ALX1: variants seen among roughly 807,000 people sequenced by gnomAD.
ALX1 encodes the protein ALX homeobox 1, also known as ALX homeobox protein 1.
In ALX1, 19 loss-of-function variants were observed where a neutral mutation model predicts 31.7. That is an observed-to-expected ratio of 0.60 (90% CI 0.42 to 0.88). ALX1 has a LOEUF of 0.88. Among genes scored for constraint, ALX1 ranks in the 40% least tolerant of loss-of-function variants. ALX1 has a pLI of 0.00. For synonymous variants in ALX1, 153 were observed against 148.8 expected (o/e 1.03, Z -0.20); for missense variants, 415 against 407.8 (o/e 1.02, Z -0.15).
intron 3 of ALX1, among the ~76,000 whole-genome samples, chr12:85,287,187 T>C (rs1896759628): frequency 6.6e-6 from 1 of 151,860 alleles, no homozygotes; most frequent in Admixed American, 6.6e-5. Context: ...CATTTAAAAA[T>C]ATTTCAGGGT....
chr12:85,280,512 A>T (rs762520703), intron 1 of ALX1, 25 bp downstream of exon 1: 4 of 1,603,500 alleles, frequency 2.5e-6, no homozygotes, highest in Non-Finnish European at 3.4e-6. Flanking sequence ...CCCCAGCCGG[A>T]GCCGCCGCAG....
Position 85,301,752 on chromosome 12 carries a change from G to T in ALX1, c.*277G>T. On this transcript the variant is annotated 3_prime_UTR_variant, in exon 4 of 4. Coordinates refer to ENST00000316824, the MANE Select transcript of ALX1 (RefSeq NM_006982.3). ...GTACAAGTCAATGAAATATGATCAC[G>T]CAACTTATTAAAGAATAAATGTGTT... is the stretch of plus-strand genomic sequence containing the variant. 2.3e-6 allele frequency: 1 copy of T among 429,018 alleles called. No homozygotes were observed. Among genetic ancestry groups the T allele is most frequent in the Non-Finnish European group, 4.1e-6 (1 of 240,992 alleles). 26.6% of individuals were successfully genotyped at this position (429,018 alleles called of 1,614,324 possible).
rs200647810 is a variant in ALX1, at chr12:85,283,641, G to C, written c.296G>C (p.Cys99Ser). ...GAACTGAATAGAGCTATGGACAACT[G>C]TAACAGTCTCCGAATGTCTCCCGTG... ...HTELNRAMDN[C>S]NSLRMSPVKG... The change falls in exon 2 of 4, where the codon TGT (cysteine) becomes TCT (serine). Residue 99 changes from cysteine (C) to serine (S), a missense_variant. Transcript: ENST00000316824. The C allele has an allele frequency of 1.2e-6, 2 of 1,614,132 alleles. No individual in the cohort carries two copies. Among genetic ancestry groups the C allele is most frequent in the Non-Finnish European group, 1.7e-6 (2 of 1,179,998 alleles).
rs772376890 is a variant in ALX1, at chr12:85,287,023, T to A, written c.660+42T>A. 18 of 1,605,576 alleles carry A rather than the reference T, an allele frequency of 1.1e-5. No homozygotes were observed. The South Asian group carries it at 1.9e-4, about 17-fold the overall frequency. On this transcript the variant is annotated intron_variant, in intron 3 of 3. Coordinates refer to ENST00000316824, the MANE Select transcript of ALX1 (RefSeq NM_006982.3). ...AGAATACTGATCAAGAAAAGGATAT[T>A]TGGTTTGTATATTCTTAAAATGGTT...
rs768003680 is a variant in ALX1, at chr12:85,280,465, C to T, written c.204C>T (p.Thr68=). ...AGCATCACGTGCGCTTGGAGAGGAC[C>T]TCGCCCTGTCAGGACAGCAGCGGTG... ...RAEHHVRLER[T]SPCQDSSVNY... is the part of the protein sequence containing the mutation. The change falls in exon 1 of 4, where the codon ACC becomes ACT. Residue 68 remains threonine (T), a synonymous_variant. Coordinates refer to ENST00000316824, the MANE Select transcript of ALX1 (RefSeq NM_006982.3). The T allele has an allele frequency of 3.1e-6, 5 of 1,611,464 alleles. No individual in the cohort carries two copies. The South Asian group carries it at 5.5e-5, about 18-fold the overall frequency.
intron 1 of ALX1, among the ~76,000 whole-genome samples, chr12:85,282,092 A>G (rs991957281): frequency 6.6e-6 from 1 of 152,128 alleles, no homozygotes; most frequent in African/African-American, 2.4e-5. Context: ...AGCCTCTCTG[A>G]TGCTTCCCCT....
chr12:85,291,411 A>G (rs1409928780), intron 3 of ALX1, among the ~76,000 whole-genome samples: 3 of 151,070 alleles, frequency 2.0e-5, no homozygotes, highest in Admixed American at 1.3e-4. Context: ...TTTGGCCTTA[A>G]ATTTAAAAAG....
chr12:85,292,756 T>C (rs907941779), intron 3 of ALX1, among the ~76,000 whole-genome samples: 7 of 151,002 alleles, frequency 4.6e-5, no homozygotes, highest in African/African-American at 1.5e-4. Context: ...GCAGTTTCTA[T>C]ATTAATCTTA....
At chr12:85,284,135 A>G (rs1565940529) in intron 2 of ALX1, among the ~76,000 whole-genome samples, 1 of 152,102 alleles carries the variant, frequency 6.6e-6, no homozygotes, top group Non-Finnish European at 1.5e-5. Flanking sequence ...ACATAACAAT[A>G]TGATAATATA....
At chr12:85,300,609 T>A (rs1474912820) in intron 3 of ALX1, among the ~76,000 whole-genome samples, 1 of 152,072 alleles carries the variant, frequency 6.6e-6, no homozygotes, top group Non-Finnish European at 1.5e-5. Flanking sequence ...TCTTCAAGAC[T>A]ATAGGATACG....
intron 3 of ALX1, 28 bp downstream of exon 3, chr12:85,287,009 C>T (rs1896757748): frequency 1.2e-6 from 2 of 1,609,698 alleles, no homozygotes; most frequent in South Asian, 1.1e-5. Context: ...GAATACTGAT[C>T]AAGAAAAGGA....
rs1034521460 is a variant in ALX1 at position 85,301,751 on chromosome 12, C to T, written c.*276C>T. The T allele has an allele frequency of 2.1e-5, 9 of 434,014 alleles. No individual in the cohort carries two copies. The highest frequency in any genetic ancestry group is 8.0e-5 in the East Asian group (2 of 24,876). The allele number at this position is 434,014 out of a possible 1,614,324, so 26.9% of individuals were successfully genotyped here. On this transcript the variant is annotated 3_prime_UTR_variant, in exon 4 of 4. Coordinates refer to ENST00000316824, the MANE Select transcript of ALX1 (RefSeq NM_006982.3). ...TGTACAAGTCAATGAAATATGATCA[C>T]GCAACTTATTAAAGAATAAATGTGT...
intron 1 of ALX1, among the ~76,000 whole-genome samples, chr12:85,281,914 T>C (rs963030370): frequency 3.3e-5 from 5 of 152,238 alleles, no homozygotes; most frequent in Non-Finnish European, 7.3e-5. Context: ...TATTTTATTT[T>C]GAATAGTCGA....
At chr12:85,296,366 C>G (rs1471527613) in intron 3 of ALX1, among the ~76,000 whole-genome samples, 1 of 150,914 alleles carries the variant, frequency 6.6e-6, no homozygotes, top group Non-Finnish European at 1.5e-5. Flanking sequence ...GCTTTTAATT[C>G]CTTGGAAAAA....
chr12:85,290,313 T>G (rs1896802336), intron 3 of ALX1, among the ~76,000 whole-genome samples: 1 of 151,200 alleles, frequency 6.6e-6, no homozygotes. Context: ...TTGTATCTAT[T>G]AACCTGTTTA....
intron 3 of ALX1, among the ~76,000 whole-genome samples, chr12:85,290,225 T>C (rs1471343280): frequency 6.6e-6 from 1 of 151,334 alleles, no homozygotes; most frequent in South Asian, 2.1e-4. Context: ...CTTTTTACTA[T>C]AGTAGCAACA....
intron 2 of ALX1, among the ~76,000 whole-genome samples, chr12:85,286,579 A>G (rs768114926): frequency 2.0e-5 from 3 of 151,872 alleles, no homozygotes; most frequent in Non-Finnish European, 4.4e-5. Context: ...TTTGTTTTCC[A>G]TAAATGAGAA....
chr12:85,296,426 AT>A (rs1288137874), intron 3 of ALX1, among the ~76,000 whole-genome samples: 1 of 151,640 alleles, frequency 6.6e-6, no homozygotes, highest in African/African-American at 2.4e-5. Flanking sequence ...TAAGACAAAA[AT>A]AAAACTTTTC....
intron 1 of ALX1, among the ~76,000 whole-genome samples, chr12:85,283,082 T>C (rs1896699438): frequency 1.3e-5 from 2 of 152,202 alleles, no homozygotes; most frequent in South Asian, 2.1e-4. Context: ...CTATCATCAG[T>C]ACGTTTTACG....
Sources: gnomAD v4.1 joint callset for allele counts (sites outside exome capture counted in the v4.1 genomes callset) on GRCh38, gnomAD v4.1.1 for gene constraint, MANE v1.5 for transcripts, NCBI Gene and HGNC (gene_info 2026-07-23, HGNC 2026-07-21) for gene names.